The following ZBTB10 variants were observed in gnomAD, a reference collection of about 807,000 sequenced individuals.
ZBTB10 encodes zinc finger and BTB domain containing 10.
A neutral mutation model predicts 76.4 loss-of-function variants in ZBTB10; 32 were observed. The observed-to-expected ratio is 0.42, with a 90% CI of 0.32 to 0.56. The LOEUF (loss-of-function observed/expected upper bound fraction) is 0.56, where lower values mean the gene tolerates loss of function less well. Among genes scored for constraint, ZBTB10 ranks in the 20% least tolerant of loss-of-function variants. The pLI is 0.14. For missense variants in ZBTB10, 1,057 were observed against 1,098.5 expected (o/e 0.96, Z 0.53); for synonymous variants, 523 against 432.9 (o/e 1.21, Z -2.58).
In ZBTB10 at chr8:80,487,285, G is replaced by A; in HGVS notation, c.475G>A (p.Ala159Thr). 1.3e-6 allele frequency: 2 copies of A among 1,550,050 alleles called. No individual in the cohort carries two copies. Among genetic ancestry groups the A allele is most frequent in the Non-Finnish European group, 1.7e-6 (2 of 1,147,522 alleles). Reference sequence around the variant, plus strand: ...GAGGCATTTCAATGGGCGAGGGCCGGCGACTGTGGATCTGGAGCTGGACGC... The same window carrying A: ...GAGGCATTTCAATGGGCGAGGGCCGACGACTGTGGATCTGGAGCTGGACGC... ...PLRHFNGRGP[A>T]TVDLELDALE... The change falls in exon 1 of 6, where the codon GCG (alanine) becomes ACG (threonine). Residue 159 changes from alanine (A) to threonine (T), a missense_variant. By Grantham distance (58) the Ala-to-Thr change is moderately conservative. Transcript: ENST00000455036.
intron 2 of ZBTB10, among the ~76,000 whole-genome samples, chr8:80,506,670 T>C (rs1173568195): frequency 6.6e-6 from 1 of 151,976 alleles, no homozygotes; most frequent in East Asian, 1.9e-4. Context: ...TAGTGTTTTG[T>C]ATAAATATTC....
chr8:80,497,420 T>G (rs1815811252), intron 1 of ZBTB10, among the ~76,000 whole-genome samples: 1 of 151,498 alleles, frequency 6.6e-6, no homozygotes, highest in Non-Finnish European at 1.5e-5. Context: ...AATTGGATCT[T>G]TTGGTAGGAG....
chr8:80,499,375 C>G, intron 1 of ZBTB10, 119 bp from the exon 2 acceptor site: 1 of 1,132,800 alleles, frequency 8.8e-7, no homozygotes, highest in Non-Finnish European at 1.2e-6. Context: ...TTCTTGATTA[C>G]TCACAAATTA....
rs187095203 is a variant in ZBTB10 at position 80,493,442 on chromosome 8, T to C, written c.972+5660T>C. Among the ~76,000 whole-genome samples, 5 of 152,274 alleles carry C rather than the reference T, an allele frequency of 3.3e-5. No homozygotes were observed. In the East Asian group the frequency reaches 9.6e-4, roughly 29 times the overall value. ...GGGGAGAATCATTATCAAATGTGTATGTGTTTCAATCTAGAGGCACCTGCG... is the reference window on the plus strand; with the variant it reads ...GGGGAGAATCATTATCAAATGTGTACGTGTTTCAATCTAGAGGCACCTGCG... On this transcript the variant is annotated intron_variant, in intron 1 of 5. Transcript: ENST00000455036.
At chr8:80,504,348 G>C (rs1310732503) in intron 2 of ZBTB10, among the ~76,000 whole-genome samples, 5 of 152,184 alleles carry the variant, frequency 3.3e-5, no homozygotes, top group African/African-American at 1.2e-4. Context: ...GTCTCTTCTA[G>C]TTACTGTGTC....
At chr8:80,510,639 A>AGTGTGGGGGGGT (rs60169757) in intron 2 of ZBTB10, among the ~76,000 whole-genome samples, 5 of 125,688 alleles carry the variant, frequency 4.0e-5, no homozygotes, top group African/African-American at 9.2e-5. Flanking sequence ...TTGTGAAACC[A>AGTGTGGGGGGGT]GTGTGTGTGT....
At chr8:80,510,468 A>G (rs1317318469) in intron 2 of ZBTB10, among the ~76,000 whole-genome samples, 1 of 152,228 alleles carries the variant, frequency 6.6e-6, no homozygotes, top group East Asian at 1.9e-4. Context: ...CCGGATGCAT[A>G]CAATCCATTT....
chr8:80,514,798 C>T (rs771491761), intron 3 of ZBTB10, among the ~76,000 whole-genome samples: 1 of 152,102 alleles, frequency 6.6e-6, no homozygotes, highest in Non-Finnish European at 1.5e-5. Flanking sequence ...GAGCACAAAC[C>T]AAAATTAAGG....
At chr8:80,502,035 G>A (rs1392519174) in intron 2 of ZBTB10, among the ~76,000 whole-genome samples, 2 of 152,104 alleles carry the variant, frequency 1.3e-5, no homozygotes, top group Non-Finnish European at 2.9e-5. Flanking sequence ...TAACTAGTCA[G>A]CAGTAACCTC....
intron 1 of ZBTB10, 138 bp downstream of exon 1, chr8:80,487,920 G>C (rs905490406): frequency 3.8e-6 from 4 of 1,056,312 alleles, no homozygotes; most frequent in African/African-American, 1.6e-5. Context: ...GTTGAGAGGT[G>C]CGGGAAGCTT....
chr8:80,514,116 AACT>A, intron 3 of ZBTB10, 108 bp downstream of exon 3: 1 of 905,014 alleles, frequency 1.1e-6, no homozygotes, highest in South Asian at 1.6e-5. Context: ...TATTGTATAT[AACT>A]ACTTTCAATC....
intron 2 of ZBTB10, among the ~76,000 whole-genome samples, chr8:80,505,884 A>G (rs1816038310): frequency 6.7e-6 from 1 of 149,984 alleles, no homozygotes; most frequent in South Asian, 2.1e-4. Context: ...ACTTGGAACT[A>G]CAGGTGGGCG....
intron 3 of ZBTB10, 97 bp downstream of exon 3, chr8:80,514,105 C>T (rs957894660): frequency 1.9e-6 from 2 of 1,062,046 alleles, no homozygotes; most frequent in Admixed American, 2.0e-5. Flanking sequence ...TAAGGGGGTT[C>T]TATTGTATAT....
Position 80,486,712 on chromosome 8 carries a change from G to A in ZBTB10, c.-99G>A. 1.0e-6 allele frequency: 1 copy of A among 999,130 alleles called. No individual in the cohort carries two copies. The highest frequency in any genetic ancestry group is 6.0e-5 in the Admixed American group (1 of 16,712). 61.9% of individuals were successfully genotyped at this position (999,130 alleles called of 1,614,324 possible). Reference sequence around the variant, plus strand: ...CCCGCGAGACCGGAACGCCGGGGGCGGGGGCGAGACAGAGGGGGAGCCGCG... The same window carrying A: ...CCCGCGAGACCGGAACGCCGGGGGCAGGGGCGAGACAGAGGGGGAGCCGCG... On this transcript the variant is annotated 5_prime_UTR_variant, in exon 1 of 6. Coordinates refer to ENST00000455036, the MANE Select transcript of ZBTB10 (RefSeq NM_001105539.3).
chr8:80,486,051 AC>A (rs1815438389), upstream of ZBTB10: 1 of 881,830 alleles, frequency 1.1e-6, no homozygotes. Context: ...CCGCGGCCGC[AC>A]CCCCGCCCCC....
intron 3 of ZBTB10, among the ~76,000 whole-genome samples, chr8:80,517,167 G>A (rs1467278317): frequency 1.3e-5 from 2 of 152,158 alleles, no homozygotes; most frequent in Non-Finnish European, 2.9e-5. Context: ...TGTAAGCTGA[G>A]TGGTGACCTG....
Position 80,487,244 on chromosome 8 carries a change from C to G in ZBTB10, c.434C>G (p.Thr145Ser), listed in dbSNP as rs1031312770. 11 of 1,549,876 alleles carry G rather than the reference C, an allele frequency of 7.1e-6. No individual in the cohort carries two copies. The highest frequency in any genetic ancestry group is 9.6e-6 in the Non-Finnish European group (11 of 1,149,432). ...GGCAGTAGCCGCGGCCGCCCCGAGA[C>G]CTCGGTGTGGCCCTTGAGGCATTTC... ...NNGSSRGRPE[T>S]SVWPLRHFNG... The change falls in exon 1 of 6, where the codon ACC (threonine) becomes AGC (serine). Residue 145 changes from threonine (T) to serine (S), a missense_variant. Around this residue, in one of 5 missense-constraint regions of ZBTB10, gnomAD observed 556 missense variants for 451.7 expected, o/e 1.23. Coordinates refer to ENST00000455036, the MANE Select transcript of ZBTB10 (RefSeq NM_001105539.3).
rs893859190 is a variant in ZBTB10, at chr8:80,486,626, C to G, written c.-185C>G. The G allele has an allele frequency of 2.0e-6, 2 of 987,632 alleles. No homozygotes were observed. The highest frequency in any genetic ancestry group is 3.5e-5 in the African/African-American group (2 of 57,088). The allele number at this position is 987,632 out of a possible 1,614,324, so 61.2% of individuals were successfully genotyped here. On this transcript the variant is annotated 5_prime_UTR_variant, in exon 1 of 6. Transcript: ENST00000455036. ...CCGGCAGCGGCAGCGGCAGCGGACGCGTGCAGCAGACCCGGGAGCGAGCGC... is the reference window on the plus strand; with the variant it reads ...CCGGCAGCGGCAGCGGCAGCGGACGGGTGCAGCAGACCCGGGAGCGAGCGC...
intron 1 of ZBTB10, among the ~76,000 whole-genome samples, chr8:80,494,057 T>A (rs928916640): frequency 6.6e-6 from 1 of 152,210 alleles, no homozygotes; most frequent in Non-Finnish European, 1.5e-5. Flanking sequence ...TATGGCCTTG[T>A]TTGTCTTCCT....
Sources: allele counts gnomAD v4.1 joint callset (sites outside exome capture counted in the v4.1 genomes callset), GRCh38; gene constraint gnomAD v4.1.1; regional missense constraint gnomAD v4.1.1; transcripts MANE v1.5; gene names NCBI Gene and HGNC (gene_info 2026-07-23, HGNC 2026-07-21).